NUP153: variants seen among roughly 807,000 people sequenced by gnomAD.
NUP153 encodes the protein nuclear pore complex protein Nup153.
NUP153 carries 27 observed loss-of-function variants against 134.6 expected under a neutral mutation model. The ratio of observed to expected loss-of-function variants is 0.20; its 90% CI spans 0.15 to 0.28. The LOEUF is 0.28. Ranked by LOEUF, NUP153 falls within the 10% of genes least tolerant of loss-of-function variation. NUP153 has a pLI of 1.00. For synonymous variants in NUP153, 640 were observed against 623.5 expected, an observed-to-expected ratio of 1.03 and a Z score of -0.40; for missense variants, 1,821 against 1,731.3, an observed-to-expected ratio of 1.05 and a Z score of -0.92.
intron 20 of NUP153, among the ~76,000 whole-genome samples, chr6:17,619,262 A>G (rs977531543): frequency 3.9e-5 from 6 of 152,184 alleles, no homozygotes; most frequent in Non-Finnish European, 5.9e-5. Flanking sequence ...CTTACCAAAC[A>G]TGGGGAGAGA....
chr6:17,646,529 C>T (rs987583135), intron 13 of NUP153, among the ~76,000 whole-genome samples: 1 of 151,850 alleles, frequency 6.6e-6, no homozygotes, highest in East Asian at 1.9e-4. Context: ...TATTTTTATC[C>T]CAAGTCAAAA....
At chr6:17,626,669 TCTA>T (rs1764964341) in intron 18 of NUP153, among the ~76,000 whole-genome samples, 1 of 152,256 alleles carries the variant, frequency 6.6e-6, no homozygotes, top group African/African-American at 2.4e-5. Context: ...ACTTGTTTCC[TCTA>T]CTGTTATCAC....
intron 15 of NUP153, 55 bp from the exon 16 acceptor site, chr6:17,637,825 A>G (rs955348037): frequency 1.3e-6 from 2 of 1,513,762 alleles, no homozygotes; most frequent in African/African-American, 1.4e-5. Flanking sequence ...AAATCAAAGC[A>G]TTAATTTGAT....
At chr6:17,666,603 T>C (rs1363464302) in intron 8 of NUP153, among the ~76,000 whole-genome samples, 2 of 152,232 alleles carry the variant, frequency 1.3e-5, no homozygotes, top group East Asian at 1.9e-4. Context: ...CCCATTGTTA[T>C]TTAAATACCA....
chr6:17,701,887 T>C (rs1770129582), intron 1 of NUP153, among the ~76,000 whole-genome samples: 1 of 142,472 alleles, frequency 7.0e-6, no homozygotes, highest in African/African-American at 2.6e-5. Context: ...ACAAACTATA[T>C]CTAGGAGGAT....
At chr6:17,641,682 T>G (rs1288654851) in intron 14 of NUP153, among the ~76,000 whole-genome samples, 3 of 151,776 alleles carry the variant, frequency 2.0e-5, no homozygotes, top group Non-Finnish European at 4.4e-5. Flanking sequence ...TGAAACCCCG[T>G]TTCTACTAAA....
rs56091523 is a variant in NUP153 at position 17,697,547 on chromosome 6, C to G, written c.111+8730G>C. ...TTAAAAAATGCAAAAATTAGCCAGG[C>G]GTGGTGGCAGGCACCTGTAATCCCA... On this transcript the variant is annotated intron_variant, in intron 1 of 21. Transcript: ENST00000262077. Among the ~76,000 whole-genome samples, 669 of 152,176 alleles carry G rather than the reference C, an allele frequency of 4.4e-3. 3 individuals carry two copies. Among genetic ancestry groups the G allele is most frequent in the African/African-American group, 0.016 (654 of 41,526 alleles).
chr6:17,661,028 A>C (rs191897191), intron 11 of NUP153, among the ~76,000 whole-genome samples: 219 of 152,188 alleles, frequency 1.4e-3, no homozygotes, highest in African/African-American at 4.8e-3. Flanking sequence ...AGCAAGAAGA[A>C]GACAGGCAGG....
At chr6:17,688,091 C>T (rs1367301606) in intron 2 of NUP153, among the ~76,000 whole-genome samples, 1 of 151,858 alleles carries the variant, frequency 6.6e-6, no homozygotes, top group East Asian at 1.9e-4. Flanking sequence ...GCACTCCAGC[C>T]TGGGCCACAG....
At chr6:17,687,289 A>C (rs373664481) in intron 2 of NUP153, among the ~76,000 whole-genome samples, 1 of 152,160 alleles carries the variant, frequency 6.6e-6, no homozygotes, top group East Asian at 1.9e-4. Flanking sequence ...AAAGGAAACA[A>C]ATCTCATAAC....
chr6:17,667,848 A>G (rs1201367049), intron 8 of NUP153, among the ~76,000 whole-genome samples: 1 of 152,172 alleles, frequency 6.6e-6, no homozygotes, highest in Non-Finnish European at 1.5e-5. Context: ...TCCCACAGTA[A>G]CCGCCAAAGT....
chr6:17,649,138 C>T (rs762271605), intron 12 of NUP153, 25 bp downstream of exon 12: 4 of 1,569,702 alleles, frequency 2.5e-6, no homozygotes, highest in Middle Eastern at 1.7e-4. Flanking sequence ...CAAATGTCAC[C>T]TGTATTTATA....
In NUP153 at chr6:17,637,253, A is replaced by C. The variant is rs747008403; in HGVS notation, c.2364T>G (p.Asp788Glu). 15 of 1,614,108 alleles carry C rather than the reference A, an allele frequency of 9.3e-6. No individual in the cohort carries two copies. The highest frequency in any genetic ancestry group is 1.3e-5 in the Non-Finnish European group (15 of 1,180,056). Reference protein sequence around the residue: ...TVTTGTLGFGDKFKRPIGSWE... With the variant: ...TVTTGTLGFGEKFKRPIGSWE... ...AAGATCCAATGGGCCTTTTGAATTT[A>C]TCTCCAAATCCTAAGGTACCAGTGG... The change falls in exon 16 of 22, where the codon GAT (aspartate) becomes GAG (glutamate). Residue 788 changes from aspartate (D) to glutamate (E), a missense_variant. Physicochemically the swap from Asp to Glu is conservative, Grantham distance 45. Coordinates refer to ENST00000262077, the MANE Select transcript of NUP153 (RefSeq NM_005124.4).
intron 1 of NUP153, among the ~76,000 whole-genome samples, chr6:17,699,091 G>A (rs12199222): frequency 6.6e-6 from 1 of 151,890 alleles, no homozygotes; most frequent in Non-Finnish European, 1.5e-5. Flanking sequence ...GACAGTAAAT[G>A]GTATGTGTCA....
chr6:17,693,609 G>A (rs986012762), intron 1 of NUP153, among the ~76,000 whole-genome samples: 16 of 152,158 alleles, frequency 1.1e-4, no homozygotes, highest in South Asian at 2.1e-4. Flanking sequence ...CTTTGAGGCC[G>A]GGAACAGTGG....
intron 20 of NUP153, among the ~76,000 whole-genome samples, chr6:17,620,067 C>T (rs1764564945): frequency 7.4e-6 from 1 of 135,734 alleles, no homozygotes; most frequent in Admixed American, 8.5e-5. Flanking sequence ...CATTATACTC[C>T]AGCCTGGGCA....
intron 20 of NUP153, among the ~76,000 whole-genome samples, chr6:17,623,993 T>C (rs1764782910): frequency 6.6e-6 from 1 of 152,192 alleles, no homozygotes; most frequent in Non-Finnish European, 1.5e-5. Flanking sequence ...AATATTACAC[T>C]GTTCACTTAT....
At chr6:17,664,738 G>A (rs183934591) in intron 9 of NUP153, among the ~76,000 whole-genome samples, 1 of 152,190 alleles carries the variant, frequency 6.6e-6, no homozygotes, top group Non-Finnish European at 1.5e-5. Flanking sequence ...GAGTTTACTA[G>A]TCAACACTAA....
Position 17,669,408 on chromosome 6 carries a change from AATCGTG to A in NUP153, c.969+16_969+21del. On this transcript the variant is annotated intron_variant, in intron 6 of 21. Transcript: ENST00000262077. ...TCAAGTTTTGTTACACTCCTGTATT[AATCGTG>A]ATTTTAAAAATTTACCGCTAAAGGG... is the stretch of plus-strand genomic sequence containing the variant. 6.3e-7 allele frequency: 1 copy of A among 1,598,086 alleles called. No individual in the cohort carries two copies. The highest frequency in any genetic ancestry group is 8.6e-7 in the Non-Finnish European group (1 of 1,165,396).
Sources: gnomAD v4.1 joint callset for allele counts (sites outside exome capture counted in the v4.1 genomes callset) on GRCh38, gnomAD v4.1.1 for gene constraint, MANE v1.5 for transcripts, NCBI Gene and HGNC (gene_info 2026-07-23, HGNC 2026-07-21) for gene names.